TMEM161B: variants seen among roughly 807,000 people sequenced by gnomAD.
TMEM161B encodes transmembrane protein 161B.
In TMEM161B, 34 loss-of-function variants were observed where a neutral mutation model predicts 61.8. That is an observed-to-expected ratio of 0.55 (90% CI 0.42 to 0.73). The LOEUF is 0.73. TMEM161B is among the 30% of genes least tolerant of loss of function. The pLI is 0.00. For synonymous variants in TMEM161B, 167 were observed against 192.8 expected (o/e 0.87, Z 1.11); for missense variants, 456 against 558.5 (o/e 0.82, Z 1.85).
At chr5:88,268,569 AC>A in intron 1 of TMEM161B, 151 bp downstream of exon 1, 2 of 1,000,674 alleles carry the variant, frequency 2.0e-6, no homozygotes, top group South Asian at 3.1e-5. Flanking sequence ...GGGCTCAGAC[AC>A]CCTGAGATAG....
Position 88,220,638 on chromosome 5 carries a change from T to C in TMEM161B, c.371A>G (p.Tyr124Cys), listed in dbSNP as rs1351731379. Residue 124 changes from tyrosine (Y) to cysteine (C), a missense_variant, in exon 5 of 12, where the codon TAC becomes TGC. Coordinates refer to ENST00000296595, the MANE Select transcript of TMEM161B (RefSeq NM_153354.5). ...ATVVYLVTEV[Y>C]YNFMKPTQEM... ...CTGTGTAGGCTTCATAAAATTGTAG[T>C]AGACTTCAGTTACTAGATACACAAC... 1.3e-6 allele frequency: 2 copies of C among 1,598,188 alleles called. No individual in the cohort carries two copies. Among genetic ancestry groups the C allele is most frequent in the Admixed American group, 1.8e-5 (1 of 57,114 alleles).
intron 5 of TMEM161B, among the ~76,000 whole-genome samples, chr5:88,207,918 T>C (rs1745853359): frequency 6.6e-6 from 1 of 152,232 alleles, no homozygotes; most frequent in South Asian, 2.1e-4. Flanking sequence ...ATGTCAAGCA[T>C]GGAAAATTAA....
downstream of TMEM161B, among the ~76,000 whole-genome samples, chr5:88,193,658 C>G (rs889735107): frequency 4.6e-5 from 7 of 152,122 alleles, no homozygotes; most frequent in Non-Finnish European, 7.4e-5. Flanking sequence ...ATAATGAATT[C>G]TATGTCTTTT....
chr5:88,248,909 C>T (rs1384878890), intron 1 of TMEM161B, among the ~76,000 whole-genome samples: 1 of 152,106 alleles, frequency 6.6e-6, no homozygotes, highest in Non-Finnish European at 1.5e-5. Context: ...AAACAGATGA[C>T]ACCTCTGGCT....
chr5:88,225,419 C>T (rs1384180833), intron 4 of TMEM161B, among the ~76,000 whole-genome samples: 6 of 152,030 alleles, frequency 3.9e-5, no homozygotes, highest in East Asian at 3.9e-4. Flanking sequence ...TGCTCAAGGC[C>T]GGACATTTCA....
At chr5:88,232,664 C>T (rs1357960245) in intron 2 of TMEM161B, among the ~76,000 whole-genome samples, 1 of 152,116 alleles carries the variant, frequency 6.6e-6, no homozygotes, top group African/African-American at 2.4e-5. Flanking sequence ...AGCTCTGCCT[C>T]CCGGGTTCAT....
Position 88,265,835 on chromosome 5 carries a change from A to G in TMEM161B, c.3+2886T>C, listed in dbSNP as rs542153463. Among the ~76,000 whole-genome samples the G allele has an allele frequency of 7.2e-5, 11 of 152,278 alleles. No homozygotes were observed. In the East Asian group the frequency reaches 9.6e-4, roughly 13 times the overall value. On this transcript the variant is annotated intron_variant, in intron 1 of 11. Transcript: ENST00000296595. ...ACTCTCCCACACCTGCCCACAAACC[A>G]TTGTTCAATTACAGCAGTAAGTTAC... is the stretch of plus-strand genomic sequence containing the variant.
intron 1 of TMEM161B, among the ~76,000 whole-genome samples, chr5:88,243,961 C>G (rs186126990): frequency 6.6e-6 from 1 of 151,818 alleles, no homozygotes; most frequent in East Asian, 1.9e-4. Context: ...TGTCCTTTGC[C>G]CACTTTTTGA....
chr5:88,257,114 C>T (rs1755083846), intron 1 of TMEM161B, among the ~76,000 whole-genome samples: 1 of 151,998 alleles, frequency 6.6e-6, no homozygotes, highest in African/African-American at 2.4e-5. Flanking sequence ...AGTAAAAATA[C>T]AAAAATTAGC....
chr5:88,268,388 A>G (rs549559586), intron 1 of TMEM161B, among the ~76,000 whole-genome samples: 8 of 152,288 alleles, frequency 5.3e-5, no homozygotes, highest in African/African-American at 1.9e-4. Flanking sequence ...GGGGCGCAGA[A>G]GAGGTGACTG....
chr5:88,192,965 T>C (rs1749110934), downstream of TMEM161B, among the ~76,000 whole-genome samples: 1 of 152,202 alleles, frequency 6.6e-6, no homozygotes, highest in Non-Finnish European at 1.5e-5. Flanking sequence ...AATGGATGAA[T>C]ATCTCTTCTG....
At chr5:88,265,449 A>G (rs944537421) in intron 1 of TMEM161B, among the ~76,000 whole-genome samples, 2 of 152,168 alleles carry the variant, frequency 1.3e-5, no homozygotes, top group African/African-American at 4.8e-5. Context: ...CACAGTTCAC[A>G]ACAGGGTTTG....
chr5:88,212,281 A>G (rs1580425835), intron 5 of TMEM161B, among the ~76,000 whole-genome samples: 1 of 152,316 alleles, frequency 6.6e-6, no homozygotes, highest in African/African-American at 2.4e-5. Flanking sequence ...TACCTACCCC[A>G]CATTCATGCT....
chr5:88,254,024 G>C (rs2112738597), intron 1 of TMEM161B, among the ~76,000 whole-genome samples: 1 of 151,868 alleles, frequency 6.6e-6, no homozygotes, highest in South Asian at 2.1e-4. Flanking sequence ...TATTATAAGA[G>C]AGAAATGTAC....
intron 4 of TMEM161B, 128 bp from the exon 5 acceptor site, chr5:88,220,847 T>C: frequency 8.0e-7 from 1 of 1,247,322 alleles, no homozygotes; most frequent in Non-Finnish European, 1.1e-6. Flanking sequence ...TCATTTGCAA[T>C]GTAAGATTTA....
chr5:88,225,601 T>C (rs912388723), intron 4 of TMEM161B, among the ~76,000 whole-genome samples, 168 bp downstream of exon 4: 2 of 152,190 alleles, frequency 1.3e-5, no homozygotes, highest in African/African-American at 4.8e-5. Context: ...TAATACAAGT[T>C]AGGTGAACAA....
Position 88,195,955 on chromosome 5 carries a change from G to GCC in TMEM161B, c.*254_*255dup, listed in dbSNP as rs1184508194. 3.3e-6 allele frequency: 4 copies of GCC among 1,217,012 alleles called. No individual in the cohort carries two copies. Among genetic ancestry groups the GCC allele is most frequent in the Non-Finnish European group, 4.1e-6 (4 of 974,980 alleles). The allele number at this position is 1,217,012 out of a possible 1,614,324, so 75.4% of individuals were successfully genotyped here. A position where few individuals can be genotyped will look rare whatever the true frequency, so the allele number is the denominator to read the frequency against. ...ATCAGAAATATTACCCTTGTAGATA[G>GCC]CCCTCTCATACCAGTAAATACAAAG... is the stretch of plus-strand genomic sequence containing the variant. On this transcript the variant is annotated 3_prime_UTR_variant, in exon 12 of 12. Transcript: ENST00000296595.
chr5:88,202,931 T>TA (rs1561309975), intron 9 of TMEM161B, 31 bp downstream of exon 9: 1 of 1,414,600 alleles, frequency 7.1e-7, no homozygotes, highest in Admixed American at 1.7e-5. Flanking sequence ...GTTTTGGTGA[T>TA]AAAAATCAGC....
At chr5:88,228,628 T>A (rs1459549009) in intron 2 of TMEM161B, 100 bp from the exon 3 acceptor site, 1 of 842,296 alleles carries the variant, frequency 1.2e-6, no homozygotes, top group African/African-American at 1.8e-5. Flanking sequence ...GTGAAGACAC[T>A]GTCGAGAAAT....
Sources: gnomAD v4.1 joint callset for allele counts (sites outside exome capture counted in the v4.1 genomes callset) on GRCh38, gnomAD v4.1.1 for gene constraint, MANE v1.5 for transcripts, NCBI Gene and HGNC (gene_info 2026-07-23, HGNC 2026-07-21) for gene names.